Variants in TNS1 observed in about 807,000 individuals in gnomAD.
The protein encoded by TNS1 is tensin-1.
A neutral mutation model predicts 168.6 loss-of-function variants in TNS1; 62 were observed. That is an observed-to-expected ratio of 0.37 (90% confidence interval 0.30 to 0.45). The LOEUF is 0.45. Among genes scored for constraint, TNS1 ranks in the 20% least tolerant of loss-of-function variants. The pLI, the probability that TNS1 is intolerant of heterozygous loss-of-function variation, is 1.00. For missense variants in TNS1, 2,240 were observed against 2,339.4 expected, an observed-to-expected ratio of 0.96 and a Z score of 0.88; for synonymous variants, 934 against 933.2, an observed-to-expected ratio of 1.00 and a Z score of -0.02.
chr2:217,886,965 T>G (rs186696255), intron 12 of TNS1, among the ~76,000 whole-genome samples: 163 of 152,248 alleles, frequency 1.1e-3, no homozygotes, highest in Admixed American at 3.7e-3. Context: ...GAGAATCTCC[T>G]GCTGGACCAA....
chr2:218,010,720 G>A (rs1958698861), upstream of TNS1, among the ~76,000 whole-genome samples: 1 of 152,080 alleles, frequency 6.6e-6, no homozygotes, highest in Non-Finnish European at 1.5e-5. Flanking sequence ...TTGTGCTCCT[G>A]GCTGCAGTGA....
intron 19 of TNS1, among the ~76,000 whole-genome samples, chr2:217,843,272 G>A (rs1304356837): frequency 1.3e-5 from 2 of 151,942 alleles, no homozygotes; most frequent in Non-Finnish European, 2.9e-5. Flanking sequence ...TTACCTACAT[G>A]GGCTCCTAGG....
intron 7 of TNS1, 70 bp from the exon 8 acceptor site, chr2:217,898,039 C>G: frequency 1.3e-6 from 2 of 1,487,680 alleles, no homozygotes; most frequent in Non-Finnish European, 1.8e-6. Context: ...CAGATAGCTG[C>G]ACCCCATACA....
intron 2 of TNS1, among the ~76,000 whole-genome samples, chr2:217,989,954 C>T (rs897505344): frequency 4.0e-5 from 6 of 151,334 alleles, no homozygotes; most frequent in South Asian, 4.2e-4. Flanking sequence ...ATCATCCTCA[C>T]GCCATCCACA....
intron 3 of TNS1, among the ~76,000 whole-genome samples, chr2:217,970,841 A>T (rs1469805348): frequency 1.3e-5 from 2 of 152,108 alleles, no homozygotes; most frequent in Non-Finnish European, 2.9e-5. Context: ...AAAAAAAATC[A>T]TTGAATTGTA....
rs779622425 is a variant in TNS1, at chr2:217,905,274, G to A, written c.321+1061C>T. ...CCCCTCCCCAGTATGAGTACCCCAC[G>A]CCCAGGGGAACTCATGCATACCTTG... On this transcript the variant is annotated intron_variant, in intron 6 of 32. Coordinates refer to ENST00000682258, the MANE Select transcript of TNS1 (RefSeq NM_001387777.1). 29 of 346,380 alleles carry A rather than the reference G, an allele frequency of 8.4e-5. No homozygotes were observed. In the Admixed American group the frequency reaches 8.9e-4, roughly 11 times the overall value. 21.5% of individuals were successfully genotyped at this position (346,380 alleles called of 1,614,324 possible).
intron 22 of TNS1, among the ~76,000 whole-genome samples, chr2:217,829,230 A>C (rs1574668381): frequency 6.6e-6 from 1 of 152,120 alleles, no homozygotes; most frequent in Middle Eastern, 3.4e-3. Flanking sequence ...ACAAAAAAAA[A>C]AAAAAATTGC....
At position 217,897,838 on chromosome 2, in the gene TNS1, A is replaced by C; in HGVS notation, c.503T>G (p.Val168Gly). The C allele has an allele frequency of 6.2e-7, 1 of 1,612,076 alleles. No homozygotes were observed. The change falls in exon 8 of 33, where the codon GTG becomes GGG. Residue 168 changes from valine to glycine, a missense_variant. Transcript: ENST00000682258. ...ATGTTTGGACTTGAGCATCTGCGCC[A>C]CCTCACGGAGGTTGCTCCGGAAGTT... ...EENFRSNLRE[V>G]AQMLKSKHGG...
intron 1 of TNS1, among the ~76,000 whole-genome samples, chr2:217,997,265 C>A (rs879646877): frequency 6.6e-6 from 1 of 152,152 alleles, no homozygotes; most frequent in Non-Finnish European, 1.5e-5. Flanking sequence ...AGAAATTCAG[C>A]ATCAATACAA....
intron 3 of TNS1, among the ~76,000 whole-genome samples, chr2:217,942,257 G>A (rs1312772609): frequency 1.3e-5 from 2 of 152,170 alleles, no homozygotes; most frequent in South Asian, 2.1e-4. Flanking sequence ...TTACAGTGCT[G>A]GCTCCCAGCC....
chr2:217,888,495 G>C (rs1296481051), intron 12 of TNS1, among the ~76,000 whole-genome samples: 1 of 152,208 alleles, frequency 6.6e-6, no homozygotes, highest in Non-Finnish European at 1.5e-5. Flanking sequence ...TGTTGAACAC[G>C]AGATGATATG....
At chr2:217,810,165 C>T in intron 29 of TNS1, 83 bp downstream of exon 29, 1 of 1,531,968 alleles carries the variant, frequency 6.5e-7, no homozygotes, top group South Asian at 1.1e-5. Flanking sequence ...GAGAGACCTC[C>T]AGCCTGCACG....
intron 3 of TNS1, among the ~76,000 whole-genome samples, chr2:217,970,376 T>C (rs1386642328): frequency 1.3e-5 from 2 of 152,156 alleles, no homozygotes; most frequent in Non-Finnish European, 1.5e-5. Flanking sequence ...ACCCTATGAC[T>C]CCACAATTCC....
chr2:217,841,223 G>C, intron 19 of TNS1: 1 of 985,148 alleles, frequency 1.0e-6, no homozygotes, highest in Non-Finnish European at 1.2e-6. Flanking sequence ...GATTGGAGCC[G>C]GTGGAGAGGA....
chr2:217,845,932 C>A (rs149008262), intron 19 of TNS1, among the ~76,000 whole-genome samples: 1 of 152,186 alleles, frequency 6.6e-6, no homozygotes, highest in Non-Finnish European at 1.5e-5. Flanking sequence ...TAGGCCACCA[C>A]TCCAACCTTG....
chr2:218,017,673 T>C (rs1958773238), intron 1 of TNS1, among the ~76,000 whole-genome samples: 1 of 152,272 alleles, frequency 6.6e-6, no homozygotes, highest in Admixed American at 6.5e-5. Context: ...TATTTTTCTA[T>C]GCTGAGCCTG....
At chr2:217,819,801 G>A (rs1014592412) in intron 23 of TNS1, among the ~76,000 whole-genome samples, 1 of 152,138 alleles carries the variant, frequency 6.6e-6, no homozygotes, top group Admixed American at 6.5e-5. Flanking sequence ...CTAGTATGTA[G>A]GGAGGGAGCA....
chr2:217,884,337 G>A (rs1950988482), intron 16 of TNS1, among the ~76,000 whole-genome samples: 1 of 152,198 alleles, frequency 6.6e-6, no homozygotes, highest in Non-Finnish European at 1.5e-5. Flanking sequence ...ATGGATGGAT[G>A]GATGGATGTG....
chr2:217,946,029 A>G (rs1957097087), intron 3 of TNS1, among the ~76,000 whole-genome samples: 1 of 152,178 alleles, frequency 6.6e-6, no homozygotes, highest in African/African-American at 2.4e-5. Flanking sequence ...CCCAACGGAC[A>G]TCAAAGCGTC....
Sources: gnomAD v4.1 joint callset for allele counts (sites outside exome capture counted in the v4.1 genomes callset) on GRCh38, gnomAD v4.1.1 for gene constraint, MANE v1.5 for transcripts, NCBI Gene and HGNC (gene_info 2026-07-23, HGNC 2026-07-21) for gene names.